ERAP2: variants seen among roughly 807,000 people sequenced by gnomAD.
ERAP2 encodes leukocyte-derived arginine aminopeptidase.
Under a neutral mutation model 111.1 loss-of-function variants are expected in ERAP2, and 118 were observed. The observed-to-expected ratio is 1.06, with a 90% CI of 0.92 to 1.24. ERAP2 has a LOEUF of 1.24. Ranked by LOEUF, ERAP2 falls within the 50% of genes most tolerant of loss-of-function variation. The pLI is 0.00. For missense variants in ERAP2, 1,131 were observed against 1,125.8 expected, an observed-to-expected ratio of 1.00 and a Z score of -0.07; for synonymous variants, 410 against 401.2, an observed-to-expected ratio of 1.02 and a Z score of -0.26.
intron 18 of ERAP2, among the ~76,000 whole-genome samples, chr5:96,916,383 A>G (rs143294975): frequency 6.6e-6 from 1 of 151,770 alleles, no homozygotes; most frequent in Non-Finnish European, 1.5e-5. Context: ...ACGATGCAAG[A>G]GTGATTATAT....
intron 9 of ERAP2, among the ~76,000 whole-genome samples, chr5:96,899,547 G>C (rs1039202352): frequency 6.6e-6 from 1 of 152,150 alleles, no homozygotes; most frequent in African/African-American, 2.4e-5. Context: ...TTGCCCTTAA[G>C]TACTGGTTAT....
intron 13 of ERAP2, among the ~76,000 whole-genome samples, chr5:96,906,957 G>A (rs1786159313): frequency 6.6e-6 from 1 of 152,202 alleles, no homozygotes; most frequent in Admixed American, 6.5e-5. Flanking sequence ...GAACCCGGGA[G>A]GCAGAGGTTG....
rs142471672 is a variant in ERAP2 at position 96,881,131 on chromosome 5, G to A, written c.575+871G>A. The A allele has an allele frequency of 7.3e-3, 2,226 of 304,704 alleles. 36 individuals are homozygous for A. Among genetic ancestry groups the A allele is most frequent in the Non-Finnish European group, 7.2e-3 (1,113 of 155,004 alleles). The allele number at this position is 304,704 out of a possible 1,614,324, so 18.9% of individuals were successfully genotyped here. On this transcript the variant is annotated intron_variant, in intron 2 of 18. Coordinates refer to ENST00000437043, the MANE Select transcript of ERAP2 (RefSeq NM_022350.5). ...ATCAGATCATGTGGAGCCTTGGGGC[G>A]TCTTGTAAGGAGTTTTGACTTTAAC... is the stretch of plus-strand genomic sequence containing the variant.
At chr5:96,892,834 G>A (rs1160223301) in intron 6 of ERAP2, among the ~76,000 whole-genome samples, 6 of 152,066 alleles carry the variant, frequency 3.9e-5, no homozygotes, top group Non-Finnish European at 7.4e-5. Flanking sequence ...TCCAATCTAG[G>A]GCAAAATCAC....
intron 15 of ERAP2, among the ~76,000 whole-genome samples, chr5:96,912,058 C>T (rs1374351703): frequency 2.0e-5 from 3 of 150,296 alleles, no homozygotes; most frequent in East Asian, 4.0e-4. Context: ...GGCGCGGTGG[C>T]GGGCGCCTGT....
chr5:96,894,123 T>C (rs1271249311), intron 6 of ERAP2, among the ~76,000 whole-genome samples: 1 of 152,234 alleles, frequency 6.6e-6, no homozygotes. Context: ...GTGGCTATAT[T>C]ATATACATCT....
rs1283151764 is a variant in ERAP2, at chr5:96,877,785, A to G, written c.-123+1258A>G. 2.0e-5 allele frequency among the ~76,000 whole-genome samples: 3 copies of G among 152,206 alleles called. No individual in the cohort carries two copies. The East Asian group carries it at 5.8e-4, about 29-fold the overall frequency. On this transcript the variant is annotated intron_variant, in intron 1 of 18. Coordinates refer to ENST00000437043, the MANE Select transcript of ERAP2 (RefSeq NM_022350.5). ...TAATAGACCAATTATGAGTGTACTT[A>G]TCAGACGTTCTTGGAACACTGAGAT...
Position 96,909,814 on chromosome 5 carries a change from A to G in ERAP2, c.2354+50A>G, listed in dbSNP as rs2549797. ...CTTTGTTCTTTTCTCTTTGATGTAA[A>G]AGTCTTTGATCAAGCAAGACATTAG... On this transcript the variant is annotated intron_variant, in intron 15 of 18. Transcript: ENST00000437043. The G allele has an allele frequency of 0.52, 815,661 of 1,573,362 alleles. 212,682 individuals are homozygous for G. The highest frequency in any genetic ancestry group is 0.61 in the Admixed American group (34,151 of 56,110).
At chr5:96,890,764 C>T (rs1784259711) in intron 5 of ERAP2, among the ~76,000 whole-genome samples, 1 of 152,120 alleles carries the variant, frequency 6.6e-6, no homozygotes, top group Non-Finnish European at 1.5e-5. Context: ...GTTCCTGAGT[C>T]TTACTCTGCT....
intron 8 of ERAP2, 53 bp downstream of exon 8, chr5:96,896,557 A>G: frequency 1.9e-6 from 3 of 1,581,014 alleles, no homozygotes; most frequent in Non-Finnish European, 1.7e-6. Context: ...TGTAATAATG[A>G]CTATAGAATC....
In ERAP2 at chr5:96,909,701, C is replaced by A. The variant is rs765068255; in HGVS notation, c.2291C>A (p.Ala764Asp). The A allele has an allele frequency of 6.2e-7, 1 of 1,614,060 alleles. No homozygotes were observed. The highest frequency in any genetic ancestry group is 8.5e-7 in the Non-Finnish European group (1 of 1,180,018). Residue 764 changes from alanine (A) to aspartate (D), a missense_variant, in exon 15 of 19, where the codon GCT becomes GAT. By Grantham distance (126) the Ala-to-Asp change is moderately radical. Coordinates refer to ENST00000437043, the MANE Select transcript of ERAP2 (RefSeq NM_022350.5). ...LLKLACDLNH[A>D]PCIQKAAELF... ...AAGCTGGCCTGTGACCTGAACCATG[C>A]TCCTTGCATCCAGAAAGCTGCTGAA...
intron 6 of ERAP2, among the ~76,000 whole-genome samples, chr5:96,893,715 CT>C (rs1784602639): frequency 6.6e-6 from 1 of 152,148 alleles, no homozygotes; most frequent in Non-Finnish European, 1.5e-5. Context: ...ACTTTTTTGT[CT>C]TCCCATTGAT....
intron 15 of ERAP2, among the ~76,000 whole-genome samples, chr5:96,910,525 G>A (rs1297959027): frequency 6.6e-6 from 1 of 150,908 alleles, no homozygotes; most frequent in African/African-American, 2.4e-5. Flanking sequence ...TCAATGGGTT[G>A]TATGAGTGAA....
At chr5:96,907,022 C>T (rs909398429) in intron 13 of ERAP2, among the ~76,000 whole-genome samples, 37 of 152,126 alleles carry the variant, frequency 2.4e-4, no homozygotes, top group Admixed American at 1.0e-3. Context: ...GAGTGAAACT[C>T]CATCTCAAAA....
In ERAP2 at chr5:96,917,569, T is replaced by C; in HGVS notation, c.2847T>C (p.Leu949=). The part of the protein sequence containing the change: ...TKNIKWLEKN[L]PTLRTWLMVN... Reference sequence around the variant, plus strand: ...ATATAAAATGGCTGGAGAAGAATCTTCCGACTCTGAGGACTTGGCTAATGG... The same window carrying C: ...ATATAAAATGGCTGGAGAAGAATCTCCCGACTCTGAGGACTTGGCTAATGG... The change falls in exon 19 of 19, where the codon CTT becomes CTC. Residue 949 remains leucine, a synonymous_variant. Transcript: ENST00000437043. The C allele has an allele frequency of 1.2e-6, 2 of 1,613,822 alleles. No individual in the cohort carries two copies. The highest frequency in any genetic ancestry group is 1.7e-6 in the Non-Finnish European group (2 of 1,179,850).
intron 16 of ERAP2, 75 bp downstream of exon 16, chr5:96,912,873 A>C (rs554986597): frequency 7.9e-7 from 1 of 1,267,282 alleles, no homozygotes; most frequent in African/African-American, 1.5e-5. Context: ...AACTTCAGCC[A>C]CCAGTTTTAA....
At chr5:96,893,217 T>C (rs1337069721) in intron 6 of ERAP2, among the ~76,000 whole-genome samples, 1 of 152,206 alleles carries the variant, frequency 6.6e-6, no homozygotes, top group Non-Finnish European at 1.5e-5. Flanking sequence ...ATTCCCTCTA[T>C]TTCATTTCTG....
At position 96,917,558 on chromosome 5, in the gene ERAP2, G is replaced by T. The variant is rs1439206692; in HGVS notation, c.2836G>T (p.Glu946Ter). 2 of 1,613,698 alleles carry T rather than the reference G, an allele frequency of 1.2e-6. No homozygotes were observed. Among genetic ancestry groups the T allele is most frequent in the South Asian group, 2.2e-5 (2 of 91,070 alleles). The change falls in exon 19 of 19, where the codon GAG becomes TAG. Residue 946 changes from glutamate to a stop codon, truncating the protein, a stop_gained. Transcript: ENST00000437043. LOFTEE classifies it high-confidence loss of function. The stretch of plus-strand genomic sequence containing the variant: ...GATAACCAAAAATATAAAATGGCTG[G>T]AGAAGAATCTTCCGACTCTGAGGAC... Reference protein sequence around the residue: ...ETITKNIKWLEKNLPTLRTWL... With the variant: ...ETITKNIKWL
In ERAP2 at chr5:96,917,442, T is replaced by C; in HGVS notation, c.2740-20T>C. The C allele has an allele frequency of 6.2e-7, 1 of 1,605,388 alleles. No individual in the cohort carries two copies. Among genetic ancestry groups the C allele is most frequent in the Non-Finnish European group, 8.5e-7 (1 of 1,175,670 alleles). On this transcript the variant is annotated intron_variant, in intron 18 of 18. Transcript: ENST00000437043. ...GGCCAAGACAAAGTGTTAGTAATTTTTTTCTTCAATATTTTACAGGTGAAA... is the reference window on the plus strand; with the variant it reads ...GGCCAAGACAAAGTGTTAGTAATTTCTTTCTTCAATATTTTACAGGTGAAA...
Sources: allele counts gnomAD v4.1 joint callset (sites outside exome capture counted in the v4.1 genomes callset), GRCh38; gene constraint gnomAD v4.1.1; transcripts MANE v1.5; gene names NCBI Gene and HGNC (gene_info 2026-07-23, HGNC 2026-07-21).